VAT1L: variants seen among roughly 807,000 people sequenced by gnomAD.
The protein encoded by VAT1L is vesicle amine transport 1 like.
Under a neutral mutation model 44.1 loss-of-function variants are expected in VAT1L, and 34 were observed. The ratio of observed to expected loss-of-function variants is 0.77; its 90% CI spans 0.59 to 1.03. VAT1L has a LOEUF of 1.03. Ranked by LOEUF, VAT1L falls within the 50% of genes least tolerant of loss-of-function variation. The probability of loss-of-function intolerance (pLI) is 0.00; values close to 1 mark genes in which losing one functional copy is unlikely to be tolerated. For synonymous variants in VAT1L, 253 were observed against 202.2 expected, an observed-to-expected ratio of 1.25 and a Z score of -2.13; for missense variants, 615 against 538.8, an observed-to-expected ratio of 1.14 and a Z score of -1.40.
chr16:77,950,871 C>G lies in VAT1L; in HGVS notation c.1078-20979C>G, dbSNP rs144877040. Among the ~76,000 whole-genome samples the G allele has an allele frequency of 6.9e-3, 1,054 of 152,028 alleles. 17 individuals are homozygous for G. The highest frequency in any genetic ancestry group is 0.024 in the African/African-American group (983 of 41,488). On this transcript the variant is annotated intron_variant, in intron 7 of 8. Transcript: ENST00000302536. The stretch of plus-strand genomic sequence containing the variant: ...ATACAAACTGTTTATCACTGGTAAT[C>G]AAATAATGGATGAAGGGAAATGTCT...
intron 3 of VAT1L, among the ~76,000 whole-genome samples, chr16:77,856,780 A>G (rs2142438111): frequency 6.6e-6 from 1 of 152,288 alleles, no homozygotes; most frequent in East Asian, 1.9e-4. Context: ...ATTGATGGCA[A>G]AGACCCGAAG....
chr16:77,885,596 C>T (rs1295776086), intron 7 of VAT1L, among the ~76,000 whole-genome samples: 1 of 151,652 alleles, frequency 6.6e-6, no homozygotes, highest in African/African-American at 2.4e-5. Context: ...CTTCAGGGAG[C>T]CATGACGCCC....
chr16:77,977,463 G>A, intron 8 of VAT1L, 134 bp from the exon 9 acceptor site: 1 of 786,424 alleles, frequency 1.3e-6, no homozygotes, highest in Non-Finnish European at 2.1e-6. Context: ...AGCTAATCCT[G>A]CATTGCCTTC....
At chr16:77,802,368 G>C (rs927610227) in intron 1 of VAT1L, among the ~76,000 whole-genome samples, 10 of 152,102 alleles carry the variant, frequency 6.6e-5, no homozygotes, top group African/African-American at 2.4e-4. Flanking sequence ...TGTAATCCCA[G>C]CACTTTGGGA....
Position 77,975,194 on chromosome 16 carries a change from C to CTTTTTTTTTTTTTTTTTTTT in VAT1L, c.1162-2388_1162-2369dup, listed in dbSNP as rs35017686. On this transcript the variant is annotated intron_variant, in intron 8 of 8. Coordinates refer to ENST00000302536, the MANE Select transcript of VAT1L (RefSeq NM_020927.3). Reference sequence around the variant, plus strand: ...GTGCTTTCTCCTACTGGAATGACCACTTTTTTTTTTTTTTTTTTTTTTTTT... The same window carrying CTTTTTTTTTTTTTTTTTTTT: ...GTGCTTTCTCCTACTGGAATGACCACTTTTTTTTTTTTTTTTTTTTTTTTTTTTTTTTTTTTTTTTTTTTT... Among the ~76,000 whole-genome samples, 7 of 39,860 alleles carry CTTTTTTTTTTTTTTTTTTTT rather than the reference C, an allele frequency of 1.8e-4. 2 individuals carry two copies. Among genetic ancestry groups the CTTTTTTTTTTTTTTTTTTTT allele is most frequent in the Admixed American group, 4.6e-4 (1 of 2,172 alleles). The allele number at this position is 39,860 out of a possible 152,430, so 26.1% of individuals were successfully genotyped here. A position where few individuals can be genotyped will look rare whatever the true frequency, so the allele number is the denominator to read the frequency against.
At chr16:77,880,922 A>G (rs2017146601) in intron 6 of VAT1L, among the ~76,000 whole-genome samples, 1 of 152,196 alleles carries the variant, frequency 6.6e-6, no homozygotes, top group South Asian at 2.1e-4. Flanking sequence ...TGCAAAGGAC[A>G]TGATTCCATT....
intron 7 of VAT1L, among the ~76,000 whole-genome samples, chr16:77,933,200 G>T (rs2017752271): frequency 1.3e-5 from 2 of 152,122 alleles, no homozygotes; most frequent in African/African-American, 4.8e-5. Context: ...CTCTCATTTG[G>T]ACTTATAGTA....
At chr16:77,951,328 T>C (rs1262128215) in intron 7 of VAT1L, among the ~76,000 whole-genome samples, 1 of 152,138 alleles carries the variant, frequency 6.6e-6, no homozygotes, top group Admixed American at 6.6e-5. Context: ...GGCAGACCAC[T>C]TGAGGTCAGG....
chr16:77,862,622 C>CT (rs1335753638), intron 3 of VAT1L, 126 bp from the exon 4 acceptor site: 12 of 691,210 alleles, frequency 1.7e-5, no homozygotes, highest in East Asian at 6.1e-5. Flanking sequence ...GACTCCATCT[C>CT]TAAAAAAAAA....
chr16:77,896,834 C>G (rs1425364324), intron 7 of VAT1L, among the ~76,000 whole-genome samples: 1 of 152,208 alleles, frequency 6.6e-6, no homozygotes, highest in Non-Finnish European at 1.5e-5. Context: ...CTCGTCCTTG[C>G]CTTTACGCCT....
intron 3 of VAT1L, among the ~76,000 whole-genome samples, chr16:77,836,654 C>T (rs528590350): frequency 1.3e-5 from 2 of 152,282 alleles, no homozygotes; most frequent in East Asian, 3.9e-4. Flanking sequence ...CTGGATTCCT[C>T]ATAGCAGCAA....
chr16:77,789,983 C>G (rs1324379238), intron 1 of VAT1L, among the ~76,000 whole-genome samples: 1 of 152,180 alleles, frequency 6.6e-6, no homozygotes, highest in Non-Finnish European at 1.5e-5. Flanking sequence ...CGAGCCTATT[C>G]CTTCCCATCT....
intron 3 of VAT1L, among the ~76,000 whole-genome samples, chr16:77,844,705 G>A (rs2016741645): frequency 6.6e-6 from 1 of 151,990 alleles, no homozygotes; most frequent in Non-Finnish European, 1.5e-5. Flanking sequence ...CACCACATCT[G>A]CACTACCAGT....
intron 7 of VAT1L, among the ~76,000 whole-genome samples, chr16:77,900,256 A>T (rs763905333): frequency 2.0e-5 from 3 of 152,096 alleles, no homozygotes; most frequent in Admixed American, 6.5e-5. Flanking sequence ...AGATCATATG[A>T]GTATTTGTGT....
chr16:77,903,497 A>C (rs1171489398), intron 7 of VAT1L, among the ~76,000 whole-genome samples: 2 of 152,170 alleles, frequency 1.3e-5, no homozygotes, highest in African/African-American at 2.4e-5. Context: ...TAGCACTACT[A>C]GTTACTGAAG....
intron 7 of VAT1L, among the ~76,000 whole-genome samples, chr16:77,970,918 C>T (rs972305325): frequency 1.3e-5 from 2 of 152,066 alleles, no homozygotes; most frequent in African/African-American, 2.4e-5. Flanking sequence ...CTAGGCTAGA[C>T]GCAACATTTA....
chr16:77,976,249 C>T (rs891585876), intron 8 of VAT1L, among the ~76,000 whole-genome samples: 2 of 152,172 alleles, frequency 1.3e-5, no homozygotes, highest in East Asian at 3.9e-4. Flanking sequence ...TGGGACATTG[C>T]AGCTCTTGAT....
intron 7 of VAT1L, among the ~76,000 whole-genome samples, chr16:77,900,387 C>A (rs1214506663): frequency 6.6e-6 from 1 of 151,780 alleles, no homozygotes; most frequent in African/African-American, 2.4e-5. Flanking sequence ...CTACAATATA[C>A]AACATTTAGA....
intron 3 of VAT1L, among the ~76,000 whole-genome samples, chr16:77,844,927 A>T (rs2016744223): frequency 6.6e-6 from 1 of 152,244 alleles, no homozygotes; most frequent in Non-Finnish European, 1.5e-5. Flanking sequence ...CCTACTGCAC[A>T]TTAAATCATC....
Sources: allele counts gnomAD v4.1 joint callset (sites outside exome capture counted in the v4.1 genomes callset), GRCh38; gene constraint gnomAD v4.1.1; transcripts MANE v1.5; gene names NCBI Gene and HGNC (gene_info 2026-07-23, HGNC 2026-07-21).